FHIT: variants seen among roughly 807,000 people sequenced by gnomAD.
The protein encoded by FHIT is fragile histidine triad diadenosine triphosphatase, also known as bis(5'-adenosyl)-triphosphatase.
FHIT carries 19 observed loss-of-function variants against 17.9 expected under a neutral mutation model. The observed-to-expected ratio is 1.06, with a 90% CI of 0.74 to 1.56. The LOEUF (loss-of-function observed/expected upper bound fraction) is 1.56. Ranked by LOEUF, FHIT falls within the 40% of genes most tolerant of loss-of-function variation. The probability of loss-of-function intolerance (pLI) is 0.00; values close to 1 mark genes in which losing one functional copy is unlikely to be tolerated. For synonymous variants in FHIT, 81 were observed against 69.7 expected (o/e 1.16, Z -0.81); for missense variants, 248 against 189.2 (o/e 1.31, Z -1.82).
intron 5 of FHIT, among the ~76,000 whole-genome samples, chr3:60,349,563 A>C (rs1364714572): frequency 2.0e-5 from 3 of 152,204 alleles, no homozygotes; most frequent in Non-Finnish European, 2.9e-5. Flanking sequence ...CATATTCCAA[A>C]AGATTCATTG....
intron 5 of FHIT, among the ~76,000 whole-genome samples, chr3:60,124,517 T>A (rs544402200): frequency 5.3e-5 from 8 of 152,176 alleles, no homozygotes; most frequent in Non-Finnish European, 8.8e-5. Flanking sequence ...TTATCCTGCA[T>A]CCTGCCTGCA....
intron 3 of FHIT, among the ~76,000 whole-genome samples, chr3:60,822,957 C>A (rs1701978002): frequency 6.6e-6 from 1 of 152,220 alleles, no homozygotes. Context: ...AACACCAATT[C>A]ATTCCCTAGG....
chr3:60,524,014 T>C (rs569230060), intron 5 of FHIT, among the ~76,000 whole-genome samples: 2 of 152,336 alleles, frequency 1.3e-5, no homozygotes, highest in East Asian at 1.9e-4. Context: ...TGTCCTCTTT[T>C]ATCTTTAGAG....
chr3:61,221,737 C>A (rs868631450), intron 1 of FHIT, among the ~76,000 whole-genome samples: 1 of 152,200 alleles, frequency 6.6e-6, no homozygotes, highest in Non-Finnish European at 1.5e-5. Context: ...TTCCTGCATG[C>A]CTGCCTCATT....
intron 5 of FHIT, among the ~76,000 whole-genome samples, chr3:60,434,997 T>C (rs2107308501): frequency 6.6e-6 from 1 of 152,294 alleles, no homozygotes; most frequent in Non-Finnish European, 1.5e-5. Context: ...TTTTGGTTTA[T>C]TTTACATTGT....
At chr3:60,800,785 A>G (rs1701159574) in intron 4 of FHIT, among the ~76,000 whole-genome samples, 2 of 152,146 alleles carry the variant, frequency 1.3e-5, no homozygotes, top group Admixed American at 1.3e-4. Flanking sequence ...TGGAGTATGA[A>G]CAGCACCACA....
intron 4 of FHIT, among the ~76,000 whole-genome samples, chr3:60,618,964 T>C (rs1388794676): frequency 1.3e-5 from 2 of 151,848 alleles, no homozygotes; most frequent in African/African-American, 2.4e-5. Context: ...CAAAAAGGAA[T>C]GCAGTACGGC....
chr3:61,194,296 T>C (rs1056312998), intron 2 of FHIT, among the ~76,000 whole-genome samples: 2 of 152,110 alleles, frequency 1.3e-5, no homozygotes, highest in African/African-American at 4.8e-5. Context: ...GGAAGAGAAG[T>C]AGGAGACAGT....
At position 60,860,723 on chromosome 3, in the gene FHIT, T is replaced by C. The variant is rs1279635372; in HGVS notation, c.-110-38712A>G. On this transcript the variant is annotated intron_variant, in intron 3 of 9. Transcript: ENST00000492590. ...TGTACATATGTACATATATATCAGG[T>C]ATATATGTACATATGTTCATATATA... 1.7e-4 allele frequency among the ~76,000 whole-genome samples: 18 copies of C among 105,250 alleles called. 3 individuals are homozygous for C. Among genetic ancestry groups the C allele is most frequent in the Non-Finnish European group, 3.7e-4 (18 of 48,214 alleles). The allele number at this position is 105,250 out of a possible 152,430, so 69.0% of individuals were successfully genotyped here. A position where few individuals can be genotyped will look rare whatever the true frequency, so the allele number is the denominator to read the frequency against.
At chr3:60,552,726 T>C (rs547028088) in intron 4 of FHIT, among the ~76,000 whole-genome samples, 1 of 152,318 alleles carries the variant, frequency 6.6e-6, no homozygotes, top group East Asian at 1.9e-4. Context: ...GACATGTTAC[T>C]TGGTGCCCCC....
chr3:59,801,036 G>A (rs1699973080), intron 8 of FHIT, among the ~76,000 whole-genome samples: 1 of 152,186 alleles, frequency 6.6e-6, no homozygotes, highest in Admixed American at 6.5e-5. Context: ...TTGAAAGGTG[G>A]ATCCAACTTG....
At chr3:59,893,281 C>T (rs1348769473) in intron 8 of FHIT, among the ~76,000 whole-genome samples, 1 of 152,108 alleles carries the variant, frequency 6.6e-6, no homozygotes, top group Non-Finnish European at 1.5e-5. Context: ...CATCCCAGGC[C>T]CCATCTACCA....
At chr3:59,778,976 C>G (rs11130732) in intron 8 of FHIT, among the ~76,000 whole-genome samples, 18,972 of 152,112 alleles carry the variant, frequency 0.12, 1,329 homozygotes, top group Admixed American at 0.2. Context: ...AAGACTAACT[C>G]AAAGTGGCTA....
chr3:60,969,482 G>A (rs749842722), intron 3 of FHIT, among the ~76,000 whole-genome samples: 1 of 151,594 alleles, frequency 6.6e-6, no homozygotes, highest in Non-Finnish European at 1.5e-5. Flanking sequence ...AGAATTTAAG[G>A]CTATAAATTT....
At chr3:60,267,152 G>A (rs1361578406) in intron 5 of FHIT, among the ~76,000 whole-genome samples, 1 of 151,956 alleles carries the variant, frequency 6.6e-6, no homozygotes, top group African/African-American at 2.4e-5. Context: ...AATAGAAAGA[G>A]CTTGAAATGT....
At chr3:60,442,672 G>A (rs2030992812) in intron 5 of FHIT, among the ~76,000 whole-genome samples, 1 of 152,138 alleles carries the variant, frequency 6.6e-6, no homozygotes, top group Admixed American at 6.5e-5. Context: ...TTTGGTTACT[G>A]TAGCCTTGTA....
intron 5 of FHIT, among the ~76,000 whole-genome samples, chr3:60,141,113 G>T (rs563989221): frequency 7.6e-4 from 116 of 152,260 alleles, no homozygotes; most frequent in African/African-American, 2.6e-3. Context: ...CAATCTGTCA[G>T]TCATCTACTG....
At chr3:61,138,610 A>G (rs146267789) in intron 2 of FHIT, among the ~76,000 whole-genome samples, 37 of 152,312 alleles carry the variant, frequency 2.4e-4, no homozygotes, top group African/African-American at 8.2e-4. Flanking sequence ...GTGGCACAAC[A>G]GGCCATGCTA....
At chr3:60,981,114 C>T (rs1487167903) in intron 3 of FHIT, among the ~76,000 whole-genome samples, 1 of 152,166 alleles carries the variant, frequency 6.6e-6, no homozygotes, top group Admixed American at 6.5e-5. Context: ...GCAGCCCTGG[C>T]TGCCCCAGTA....
Sources: allele counts gnomAD v4.1 joint callset (sites outside exome capture counted in the v4.1 genomes callset), GRCh38; gene constraint gnomAD v4.1.1; transcripts MANE v1.5; gene names NCBI Gene and HGNC (gene_info 2026-07-23, HGNC 2026-07-21).